Variants in HELZ observed in about 807,000 individuals in gnomAD.
The protein encoded by HELZ is helicase with zinc finger.
HELZ carries 23 observed loss-of-function variants against 218.2 expected under a neutral mutation model. The ratio of observed to expected loss-of-function variants is 0.11; its 90% confidence interval spans 0.08 to 0.15. The LOEUF (loss-of-function observed/expected upper bound fraction) is 0.15. HELZ is among the 10% of genes least tolerant of loss of function. The pLI, the probability that HELZ is intolerant of heterozygous loss-of-function variation, is 1.00. For missense variants in HELZ, 1,813 were observed against 2,353.7 expected, an observed-to-expected ratio of 0.77 and a Z score of 4.75; for synonymous variants, 814 against 829.4, an observed-to-expected ratio of 0.98 and a Z score of 0.32.
chr17:67,223,999 G>A (rs1461193040), intron 3 of HELZ, among the ~76,000 whole-genome samples: 5 of 152,104 alleles, frequency 3.3e-5, no homozygotes, highest in Admixed American at 2.6e-4. Flanking sequence ...TCCCTTCCCT[G>A]GTAATAAAAG....
chr17:67,186,183 C>A (rs943839263), intron 12 of HELZ, among the ~76,000 whole-genome samples: 3 of 151,976 alleles, frequency 2.0e-5, no homozygotes, highest in Admixed American at 6.6e-5. Flanking sequence ...CAACTCTTCT[C>A]TTTTCCTACT....
chr17:67,181,924 T>C (rs951838072), intron 12 of HELZ, among the ~76,000 whole-genome samples: 2 of 152,222 alleles, frequency 1.3e-5, no homozygotes, highest in African/African-American at 4.8e-5. Flanking sequence ...ACTGATTTAA[T>C]GACCCACCTA....
At position 67,074,458 on chromosome 17, in the gene HELZ, G is replaced by A. The variant is rs1447974653; in HGVS notation, c.*3794C>T. On this transcript the variant is annotated 3_prime_UTR_variant, in exon 33 of 33. Coordinates refer to ENST00000358691, the MANE Select transcript of HELZ (RefSeq NM_014877.4). Reference sequence around the variant, plus strand: ...AAGTCTAATTTTCTTAATAACAATGGTTGAAATACTAAAATTTATCTTGAA... The same window carrying A: ...AAGTCTAATTTTCTTAATAACAATGATTGAAATACTAAAATTTATCTTGAA... 2 of 152,018 alleles carry A rather than the reference G, an allele frequency of 1.3e-5. No individual in the cohort carries two copies. Among genetic ancestry groups the A allele is most frequent in the Non-Finnish European group, 2.9e-5 (2 of 67,986 alleles). 9.4% of individuals were successfully genotyped at this position (152,018 alleles called of 1,614,324 possible). A position where few individuals can be genotyped will look rare whatever the true frequency, so the allele number is the denominator to read the frequency against.
Position 67,190,277 on chromosome 17 carries a change from C to G in HELZ, c.636G>C (p.Gln212His). 2 of 1,613,990 alleles carry G rather than the reference C, an allele frequency of 1.2e-6. No individual in the cohort carries two copies. The highest frequency in any genetic ancestry group is 1.7e-6 in the Non-Finnish European group (2 of 1,179,844). ...TTATCAGCCGTGAAGCATATCTTTT[C>G]TGCCATTCTGCTAGTTCTTCCTGGG... Reference protein sequence around the residue: ...AHSQEELAEWQKRYASRLIKL... With the variant: ...AHSQEELAEWHKRYASRLIKL... The change falls in exon 10 of 33, where the codon CAG becomes CAC. Residue 212 changes from glutamine (Q) to histidine (H), a missense_variant. Gln to His is a conservative substitution (Grantham distance 24). Around this residue, in one of 4 missense-constraint regions of HELZ, gnomAD observed 714 missense variants for 1,029.2 expected, o/e 0.69. Transcript: ENST00000358691.
intron 12 of HELZ, among the ~76,000 whole-genome samples, chr17:67,187,274 G>T (rs920681413): frequency 3.9e-5 from 6 of 152,066 alleles, no homozygotes; most frequent in African/African-American, 1.4e-4. Flanking sequence ...AAGTAAAAGG[G>T]ATCAAAGTCA....
intron 23 of HELZ, among the ~76,000 whole-genome samples, chr17:67,133,665 C>T (rs1357812605): frequency 6.6e-6 from 1 of 152,124 alleles, no homozygotes; most frequent in Non-Finnish European, 1.5e-5. Flanking sequence ...CAGGCACATG[C>T]CACCACACGC....
chr17:67,203,983 AATCATGAGG>A (rs1274289486), intron 5 of HELZ, among the ~76,000 whole-genome samples: 1 of 152,200 alleles, frequency 6.6e-6, no homozygotes, highest in Non-Finnish European at 1.5e-5. Context: ...AATCTAATAC[AATCATGAGG>A]ATCATGTTTC....
rs574278454 is a variant in HELZ at position 67,190,438 on chromosome 17, C to A, written c.558-83G>T. The A allele has an allele frequency of 2.0e-5, 21 of 1,049,638 alleles. No homozygotes were observed. The Middle Eastern group carries it at 6.5e-4, about 32-fold the overall frequency. The allele number at this position is 1,049,638 out of a possible 1,614,324, so 65.0% of individuals were successfully genotyped here. On this transcript the variant is annotated intron_variant, in intron 9 of 32. Coordinates refer to ENST00000358691, the MANE Select transcript of HELZ (RefSeq NM_014877.4). ...AACTCCCAGCATTTGCCCTCTGATT[C>A]TTCAATAAAAACAAAACTTCATGTG...
rs1449932343 is a variant in HELZ, at chr17:67,151,290, A to C, written c.2178-66T>G. 2.0e-5 allele frequency: 24 copies of C among 1,226,410 alleles called. No individual in the cohort carries two copies. In the East Asian group the frequency reaches 5.7e-4, roughly 29 times the overall value. 76.0% of individuals were successfully genotyped at this position (1,226,410 alleles called of 1,614,324 possible). A position where few individuals can be genotyped will look rare whatever the true frequency, so the allele number is the denominator to read the frequency against. ...TTCTTAACAGTATCTAGTTATTAAAACACTGACATTGTTATTTTAAGATGG... is the reference window on the plus strand; with the variant it reads ...TTCTTAACAGTATCTAGTTATTAAACCACTGACATTGTTATTTTAAGATGG... On this transcript the variant is annotated intron_variant, in intron 17 of 32. Transcript: ENST00000358691.
At chr17:67,221,662 G>A (rs2040747794) in intron 3 of HELZ, among the ~76,000 whole-genome samples, 1 of 152,132 alleles carries the variant, frequency 6.6e-6, no homozygotes, top group Admixed American at 6.6e-5. Context: ...AAACTGGGAA[G>A]ACAACTAATA....
intron 12 of HELZ, among the ~76,000 whole-genome samples, chr17:67,182,840 A>G (rs2144251227): frequency 6.6e-6 from 1 of 152,360 alleles, no homozygotes; most frequent in African/African-American, 2.4e-5. Context: ...CTATTCTAAT[A>G]AAGCATCCAA....
intron 1 of HELZ, chr17:67,244,681 A>C: frequency 2.0e-6 from 2 of 981,916 alleles, no homozygotes; most frequent in Non-Finnish European, 2.4e-6. Flanking sequence ...CCCCCGCTCC[A>C]GCCCCCACCC....
At chr17:67,115,942 A>G (rs2037411712) in intron 27 of HELZ, among the ~76,000 whole-genome samples, 1 of 152,164 alleles carries the variant, frequency 6.6e-6, no homozygotes, top group Non-Finnish European at 1.5e-5. Context: ...GAACTCTTTT[A>G]CTTGGCTGTT....
chr17:67,092,898 G>T (rs1010047031), intron 31 of HELZ, among the ~76,000 whole-genome samples: 1 of 151,390 alleles, frequency 6.6e-6, no homozygotes, highest in East Asian at 2.0e-4. Flanking sequence ...CCGGCGGGGG[G>T]GGGAAGTTGC....
chr17:67,154,706 A>G (rs1160221019), intron 17 of HELZ, among the ~76,000 whole-genome samples: 1 of 152,138 alleles, frequency 6.6e-6, no homozygotes, highest in Non-Finnish European at 1.5e-5. Context: ...TCATTTTTCC[A>G]TTTTTCATTC....
Position 67,097,206 on chromosome 17 carries a change from T to C in HELZ, c.5241+9963A>G, listed in dbSNP as rs79637407. Among the ~76,000 whole-genome samples, 123 of 152,286 alleles carry C rather than the reference T, an allele frequency of 8.1e-4. 3 individuals are homozygous for C. In the East Asian group the frequency reaches 0.02, roughly 25 times the overall value. On this transcript the variant is annotated intron_variant, in intron 31 of 32. Coordinates refer to ENST00000358691, the MANE Select transcript of HELZ (RefSeq NM_014877.4). ...ATCACAATAGCAACATCAAAGATTA[T>C]TGATCACAACAGATAAAGAAATAAT...
At chr17:67,164,869 T>C (rs2039095938) in intron 15 of HELZ, among the ~76,000 whole-genome samples, 1 of 152,178 alleles carries the variant, frequency 6.6e-6, no homozygotes, top group Non-Finnish European at 1.5e-5. Flanking sequence ...ATCAGATTTG[T>C]GAGCAGTGAA....
chr17:67,083,465 C>A (rs1163819518), intron 32 of HELZ, among the ~76,000 whole-genome samples: 3 of 151,984 alleles, frequency 2.0e-5, no homozygotes, highest in African/African-American at 4.8e-5. Context: ...CATGGTGAAA[C>A]CCTGTCTCTA....
At chr17:67,199,995 T>A (rs1026871889) in intron 7 of HELZ, among the ~76,000 whole-genome samples, 2 of 152,174 alleles carry the variant, frequency 1.3e-5, no homozygotes, top group Non-Finnish European at 2.9e-5. Context: ...TCTCTGTGAA[T>A]TACACTTACA....
Sources: allele counts gnomAD v4.1 joint callset (sites outside exome capture counted in the v4.1 genomes callset), GRCh38; gene constraint gnomAD v4.1.1; regional missense constraint gnomAD v4.1.1; transcripts MANE v1.5; gene names NCBI Gene and HGNC (gene_info 2026-07-23, HGNC 2026-07-21).